Variants in LYPD6B observed in about 807,000 individuals in gnomAD.
The protein encoded by LYPD6B is LY6/PLAUR domain containing 6B.
LYPD6B carries 17 observed loss-of-function variants against 22.8 expected under a neutral mutation model. The ratio of observed to expected loss-of-function variants is 0.75; its 90% CI spans 0.51 to 1.12. The LOEUF (loss-of-function observed/expected upper bound fraction) is 1.12. Ranked by LOEUF, LYPD6B falls within the 50% of genes most tolerant of loss-of-function variation. LYPD6B has a pLI of 0.00. For missense variants in LYPD6B, 221 were observed against 258.3 expected, an observed-to-expected ratio of 0.86 and a Z score of 0.99; for synonymous variants, 106 against 91.6, an observed-to-expected ratio of 1.16 and a Z score of -0.90.
At chr2:149,095,284 A>C (rs1323647815) in intron 1 of LYPD6B, among the ~76,000 whole-genome samples, 1 of 152,218 alleles carries the variant, frequency 6.6e-6, no homozygotes, top group Non-Finnish European at 1.5e-5. Flanking sequence ...AAACAAGAGC[A>C]AAACTCCATA....
At chr2:149,182,175 T>G (rs1453381711) in intron 3 of LYPD6B, among the ~76,000 whole-genome samples, 1 of 152,226 alleles carries the variant, frequency 6.6e-6, no homozygotes, top group Non-Finnish European at 1.5e-5. Context: ...TATTTAATAG[T>G]AAGGTATGTA....
intron 2 of LYPD6B, among the ~76,000 whole-genome samples, chr2:149,144,445 G>A (rs1688887889): frequency 1.3e-5 from 2 of 152,142 alleles, no homozygotes; most frequent in African/African-American, 2.4e-5. Flanking sequence ...AGGCTGGAAT[G>A]CAGTGGCGTG....
intron 1 of LYPD6B, among the ~76,000 whole-genome samples, chr2:149,113,578 A>C (rs1354921977): frequency 6.6e-6 from 1 of 152,192 alleles, no homozygotes; most frequent in African/African-American, 2.4e-5. Context: ...AATACATTGC[A>C]ATCTGTAAGG....
At chr2:149,187,429 T>G in intron 3 of LYPD6B, 1 of 1,528,970 alleles carries the variant, frequency 6.5e-7, no homozygotes, top group Non-Finnish European at 8.8e-7. Flanking sequence ...TTTCTAGATG[T>G]GAAAGGCATT....
chr2:149,213,254 A>T (rs1693990383), intron 6 of LYPD6B, 132 bp downstream of exon 6: 1 of 1,237,318 alleles, frequency 8.1e-7, no homozygotes. Context: ...CCATACAAAG[A>T]TAAAATGGAG....
At chr2:149,093,418 C>A (rs1685758998) in intron 1 of LYPD6B, among the ~76,000 whole-genome samples, 1 of 152,112 alleles carries the variant, frequency 6.6e-6, no homozygotes, top group Admixed American at 6.6e-5. Context: ...GCAAGTATTT[C>A]CATTAATAAG....
chr2:149,110,365 A>C (rs986533633), intron 1 of LYPD6B, among the ~76,000 whole-genome samples: 3 of 151,976 alleles, frequency 2.0e-5, no homozygotes, highest in Non-Finnish European at 4.4e-5. Context: ...TATCATGCCT[A>C]CTAATCTTTG....
In LYPD6B at chr2:149,170,153, T is replaced by A. The variant is rs80249185; in HGVS notation, c.77+9318T>A. The stretch of plus-strand genomic sequence containing the variant: ...GGTCAGTACAGAATGATACAGCTAA[T>A]CTGGTTGATCACAAGGGCAAAGATA... On this transcript the variant is annotated intron_variant, in intron 3 of 6. Transcript: ENST00000409642. Among the ~76,000 whole-genome samples, 1,272 of 152,334 alleles carry A rather than the reference T, an allele frequency of 8.4e-3. 15 individuals are homozygous for A. Among genetic ancestry groups the A allele is most frequent in the Non-Finnish European group, 0.015 (999 of 68,028 alleles).
At chr2:149,131,302 A>T in intron 2 of LYPD6B, 1 of 237,422 alleles carries the variant, frequency 4.2e-6, no homozygotes, top group Non-Finnish European at 8.1e-6. Context: ...AGTGCTTCAG[A>T]TGGCTTTGAG....
At chr2:149,158,417 C>A (rs1045001672) in intron 2 of LYPD6B, among the ~76,000 whole-genome samples, 2 of 151,964 alleles carry the variant, frequency 1.3e-5, no homozygotes, top group Non-Finnish European at 2.9e-5. Flanking sequence ...AAGCCAGACA[C>A]AAGAAAGGAT....
intron 2 of LYPD6B, among the ~76,000 whole-genome samples, chr2:149,132,875 ATTAT>A (rs1458424089): frequency 5.9e-5 from 9 of 152,180 alleles, no homozygotes; most frequent in Non-Finnish European, 1.3e-4. Flanking sequence ...AACTGATGCT[ATTAT>A]TTATTTACTT....
intron 1 of LYPD6B, among the ~76,000 whole-genome samples, chr2:149,106,550 A>G (rs1169292295): frequency 6.6e-6 from 1 of 152,144 alleles, no homozygotes; most frequent in Non-Finnish European, 1.5e-5. Context: ...ATGTTTTTGA[A>G]ATTACTGGTA....
chr2:149,139,447 C>G (rs1234025129), intron 2 of LYPD6B, among the ~76,000 whole-genome samples: 1 of 152,138 alleles, frequency 6.6e-6, no homozygotes, highest in Non-Finnish European at 1.5e-5. Flanking sequence ...CTTCCTGCCC[C>G]CTCTTGTAAT....
intron 3 of LYPD6B, among the ~76,000 whole-genome samples, chr2:149,166,112 A>G (rs543501996): frequency 6.6e-6 from 1 of 152,318 alleles, no homozygotes; most frequent in Non-Finnish European, 1.5e-5. Flanking sequence ...CGCCCTCTAT[A>G]ACCTTTCAGG....
chr2:149,147,906 CTGTG>C (rs61441741), intron 2 of LYPD6B, among the ~76,000 whole-genome samples: 265 of 139,088 alleles, frequency 1.9e-3, no homozygotes, highest in East Asian at 9.7e-3. Flanking sequence ...GCACATGGGC[CTGTG>C]TGTGTGTGTG....
At chr2:149,196,560 G>A (rs189020651) in intron 3 of LYPD6B, among the ~76,000 whole-genome samples, 7 of 152,306 alleles carry the variant, frequency 4.6e-5, no homozygotes, top group Admixed American at 2.0e-4. Context: ...ATTCTGCATC[G>A]TGCAGCTCTC....
intron 2 of LYPD6B, among the ~76,000 whole-genome samples, chr2:149,147,675 G>C (rs997706381): frequency 6.6e-6 from 1 of 151,886 alleles, no homozygotes; most frequent in Non-Finnish European, 1.5e-5. Flanking sequence ...CACCACGCCC[G>C]GCTAATTTTT....
chr2:149,207,103 T>C (rs182104828), intron 4 of LYPD6B, among the ~76,000 whole-genome samples: 379 of 152,296 alleles, frequency 2.5e-3, no homozygotes, highest in Non-Finnish European at 4.0e-3. Context: ...CCTACCAGCA[T>C]TGACTGTAAG....
intron 2 of LYPD6B, among the ~76,000 whole-genome samples, chr2:149,133,452 G>A (rs1207412683): frequency 6.6e-6 from 1 of 152,206 alleles, no homozygotes; most frequent in Non-Finnish European, 1.5e-5. Context: ...AGTGTAGCCA[G>A]AGTAAATCTG....
Sources: gnomAD v4.1 joint callset for allele counts (sites outside exome capture counted in the v4.1 genomes callset) on GRCh38, gnomAD v4.1.1 for gene constraint, MANE v1.5 for transcripts, NCBI Gene and HGNC (gene_info 2026-07-23, HGNC 2026-07-21) for gene names.